Variants in SGCD observed in about 807,000 individuals in gnomAD.
SGCD encodes the protein delta-sarcoglycan.
In SGCD, 18 loss-of-function variants were observed where a neutral mutation model predicts 36.6. The observed-to-expected ratio is 0.49, with a 90% confidence interval of 0.34 to 0.73. The LOEUF is 0.73. SGCD is among the 30% of genes least tolerant of loss of function. The probability of loss-of-function intolerance (pLI) is 0.01; values close to 1 mark genes in which losing one functional copy is unlikely to be tolerated. For missense variants in SGCD, 387 were observed against 346.7 expected, an observed-to-expected ratio of 1.12 and a Z score of -0.92; for synonymous variants, 133 against 130.6, an observed-to-expected ratio of 1.02 and a Z score of -0.12.
intron 3 of SGCD, among the ~76,000 whole-genome samples, chr5:156,197,276 A>G (rs1764044715): frequency 6.6e-6 from 1 of 152,110 alleles, no homozygotes; most frequent in Non-Finnish European, 1.5e-5. Flanking sequence ...TTCCGTTGAC[A>G]CTGCCACTTG....
intron 3 of SGCD, among the ~76,000 whole-genome samples, chr5:156,220,545 T>C (rs1311217745): frequency 1.3e-5 from 2 of 152,140 alleles, no homozygotes; most frequent in Admixed American, 6.6e-5. Context: ...ATGACTGTGA[T>C]ATAGATGTAA....
At chr5:156,000,998 G>C (rs556489876) in intron 1 of SGCD, among the ~76,000 whole-genome samples, 9 of 152,150 alleles carry the variant, frequency 5.9e-5, no homozygotes, top group African/African-American at 1.7e-4. Context: ...TGAACTTTTG[G>C]GGCTTGTTGT....
At chr5:155,837,083 G>A in the SGCD span, among the ~76,000 whole-genome samples, 1 of 152,188 alleles carries the variant, frequency 6.6e-6, no homozygotes, top group Non-Finnish European at 1.5e-5. Flanking sequence ...TTTGTGACAT[G>A]TTATTTTTTC....
chr5:156,343,633 A>T (rs1277181746), intron 2 of SGCD, among the ~76,000 whole-genome samples: 1 of 152,196 alleles, frequency 6.6e-6, no homozygotes, highest in South Asian at 2.1e-4. Flanking sequence ...AATTTGTGTC[A>T]ACAGCAGGGA....
intron 1 of SGCD, among the ~76,000 whole-genome samples, chr5:155,960,736 T>G (rs1403472515): frequency 6.6e-6 from 1 of 152,148 alleles, no homozygotes; most frequent in African/African-American, 2.4e-5. Context: ...AAATAAGCAT[T>G]TGTTTTATAT....
chr5:155,881,323 T>TAAAGAAAGAAAG (rs1554101946), intron 1 of SGCD, among the ~76,000 whole-genome samples: 12 of 151,518 alleles, frequency 7.9e-5, no homozygotes, highest in African/African-American at 2.9e-4. Context: ...AATAAATAAA[T>TAAAGAAAGAAAG]AAAGAATATA....
intron 3 of SGCD, among the ~76,000 whole-genome samples, chr5:156,249,181 A>T (rs1307970329): frequency 6.6e-6 from 1 of 152,202 alleles, no homozygotes; most frequent in African/African-American, 2.4e-5. Flanking sequence ...AGATTTGAGG[A>T]CTGAGCCTTG....
the SGCD span, among the ~76,000 whole-genome samples, chr5:155,852,097 G>A: frequency 6.6e-5 from 10 of 152,154 alleles, no homozygotes; most frequent in Non-Finnish European, 1.2e-4. Context: ...TGGAACACTG[G>A]CATGGCATTT....
intron 3 of SGCD, among the ~76,000 whole-genome samples, chr5:156,205,143 C>T (rs17053343): frequency 0.22 from 33,500 of 151,916 alleles, 4,347 homozygotes; most frequent in East Asian, 0.62. Context: ...ATTCCCAAAA[C>T]AGACTTCAGA....
intron 3 of SGCD, among the ~76,000 whole-genome samples, chr5:156,260,448 C>G (rs965818059): frequency 6.6e-6 from 1 of 152,094 alleles, no homozygotes; most frequent in Admixed American, 6.5e-5. Context: ...GAATAAACTT[C>G]TCACATATAT....
chr5:156,630,278 C>T (rs1236349181), intron 6 of SGCD, among the ~76,000 whole-genome samples: 1 of 152,172 alleles, frequency 6.6e-6, no homozygotes, highest in Non-Finnish European at 1.5e-5. Flanking sequence ...ATTAAATCTT[C>T]AGCATCTCTT....
At chr5:156,248,860 T>C (rs1765505605) in intron 3 of SGCD, among the ~76,000 whole-genome samples, 1 of 152,086 alleles carries the variant, frequency 6.6e-6, no homozygotes, top group Non-Finnish European at 1.5e-5. Flanking sequence ...GAACAGGATA[T>C]TTGGGGTGAG....
intron 1 of SGCD, among the ~76,000 whole-genome samples, chr5:156,012,643 C>T (rs10476236): frequency 0.019 from 2,784 of 148,418 alleles, 71 homozygotes; most frequent in African/African-American, 0.066. Context: ...GAGGGAGTCT[C>T]GCTCTGTGGC....
chr5:155,929,978 G>T (rs1169681027), intron 1 of SGCD, among the ~76,000 whole-genome samples: 1 of 152,050 alleles, frequency 6.6e-6, no homozygotes, highest in East Asian at 1.9e-4. Context: ...TCTCCTCAAT[G>T]CATAATTTAC....
intron 2 of SGCD, among the ~76,000 whole-genome samples, chr5:156,330,532 T>G (rs1267007417): frequency 6.6e-6 from 1 of 152,218 alleles, no homozygotes; most frequent in East Asian, 1.9e-4. Flanking sequence ...TAACTCTTAG[T>G]CTGTCTCCCT....
the SGCD span, among the ~76,000 whole-genome samples, chr5:155,832,714 TGTTG>T: frequency 6.7e-6 from 1 of 148,986 alleles, no homozygotes; most frequent in Non-Finnish European, 1.5e-5. Context: ...CAAAAAAAAT[TGTTG>T]AGTGAGTGAG....
At chr5:156,035,377 G>A (rs142499379) in intron 1 of SGCD, among the ~76,000 whole-genome samples, 79 of 152,238 alleles carry the variant, frequency 5.2e-4, no homozygotes, top group Non-Finnish European at 1.0e-3. Context: ...AGGCTGTGGC[G>A]GGAGGATCAC....
chr5:155,850,949 A>G, the SGCD span, among the ~76,000 whole-genome samples: 61 of 152,288 alleles, frequency 4.0e-4, no homozygotes, highest in Admixed American at 7.2e-4. Flanking sequence ...GCAGGAAATC[A>G]ATGGGGTTGG....
rs112910984 is a variant in SGCD at position 156,223,803 on chromosome 5, A to G, written c.-44+99784A>G. Among the ~76,000 whole-genome samples, 340 of 152,146 alleles carry G rather than the reference A, an allele frequency of 2.2e-3. 1 individual carries two copies. Among genetic ancestry groups the G allele is most frequent in the Non-Finnish European group, 3.5e-3 (237 of 67,986 alleles). The stretch of plus-strand genomic sequence containing the variant: ...ATGTGACAGCAAAAAAGCAGGATGT[A>G]GATTGTGTGACAGTTGCTTTCAAGG... On this transcript the variant is annotated intron_variant, in intron 3 of 9. Coordinates refer to the SGCD transcript ENST00000517913.
Sources: gnomAD v4.1 joint callset for allele counts (sites outside exome capture counted in the v4.1 genomes callset) on GRCh38, gnomAD v4.1.1 for gene constraint, MANE v1.5 for transcripts, NCBI Gene and HGNC (gene_info 2026-07-23, HGNC 2026-07-21) for gene names.